Variants in PPP3CA observed in about 807,000 individuals in gnomAD.
The protein encoded by PPP3CA is protein phosphatase 3 catalytic subunit alpha.
Under a neutral mutation model 66.5 loss-of-function variants are expected in PPP3CA, and 14 were observed. The observed-to-expected ratio is 0.21, with a 90% confidence interval of 0.14 to 0.33. PPP3CA has a LOEUF of 0.33. PPP3CA is among the 10% of genes least tolerant of loss of function. The probability of loss-of-function intolerance (pLI) is 1.00; values close to 1 mark genes in which losing one functional copy is unlikely to be tolerated. For synonymous variants in PPP3CA, 232 were observed against 226.2 expected, an observed-to-expected ratio of 1.03 and a Z score of -0.23; for missense variants, 317 against 639.5, an observed-to-expected ratio of 0.50 and a Z score of 5.44.
intron 1 of PPP3CA, 56 bp downstream of exon 1, chr4:101,346,683 C>A: frequency 6.6e-7 from 1 of 1,504,758 alleles, no homozygotes; most frequent in Middle Eastern, 1.7e-4. Context: ...GCGAGGCAAG[C>A]TGCCCTGGCG....
chr4:101,319,147 A>G (rs1348609801), intron 1 of PPP3CA, among the ~76,000 whole-genome samples: 1 of 151,688 alleles, frequency 6.6e-6, no homozygotes, highest in Admixed American at 6.6e-5. Flanking sequence ...TTAAACGTGA[A>G]GAATTCTGAG....
At chr4:101,183,976 G>C (rs538653796) in intron 2 of PPP3CA, among the ~76,000 whole-genome samples, 54 of 152,218 alleles carry the variant, frequency 3.5e-4, no homozygotes, top group Middle Eastern at 3.4e-3. Context: ...GTAGCAAATA[G>C]TGCATACATT....
intron 1 of PPP3CA, among the ~76,000 whole-genome samples, chr4:101,297,935 AGT>A (rs1004106294): frequency 4.5e-4 from 68 of 152,204 alleles, no homozygotes; most frequent in African/African-American, 1.6e-3. Flanking sequence ...CTGTATCAGG[AGT>A]GAGGGCACAT....
chr4:101,134,522 C>T (rs866449906), intron 2 of PPP3CA, among the ~76,000 whole-genome samples: 10 of 152,086 alleles, frequency 6.6e-5, no homozygotes, highest in Non-Finnish European at 5.9e-5. Context: ...TAAATCAAAA[C>T]CACAATGTCA....
At chr4:101,151,551 T>G (rs1204842990) in intron 2 of PPP3CA, among the ~76,000 whole-genome samples, 1 of 138,422 alleles carries the variant, frequency 7.2e-6, no homozygotes, top group African/African-American at 2.7e-5. Context: ...AAAGCAAGAC[T>G]CTGTATCAAA....
chr4:101,283,098 T>C (rs1039364527), intron 1 of PPP3CA, among the ~76,000 whole-genome samples: 1 of 152,204 alleles, frequency 6.6e-6, no homozygotes, highest in Non-Finnish European at 1.5e-5. Context: ...AATCAAAACC[T>C]GCACTACTCA....
intron 1 of PPP3CA, among the ~76,000 whole-genome samples, chr4:101,269,214 C>G (rs544239599): frequency 1.7e-4 from 26 of 152,182 alleles, no homozygotes; most frequent in African/African-American, 5.8e-4. Flanking sequence ...ATTTACGATT[C>G]AGACTATAAT....
At chr4:101,238,853 C>G (rs2659530) in intron 1 of PPP3CA, among the ~76,000 whole-genome samples, 16,953 of 152,012 alleles carry the variant, frequency 0.11, 1,365 homozygotes, top group East Asian at 0.31. Context: ...TGACCTAAGA[C>G]GTTTTGAATG....
intron 1 of PPP3CA, among the ~76,000 whole-genome samples, chr4:101,254,708 G>C (rs1033431159): frequency 1.3e-5 from 2 of 151,694 alleles, no homozygotes; most frequent in African/African-American, 4.8e-5. Flanking sequence ...AATACCATAA[G>C]GCAGTATTAA....
intron 2 of PPP3CA, among the ~76,000 whole-genome samples, chr4:101,141,192 AAAC>A (rs1348767012): frequency 2.0e-5 from 3 of 152,218 alleles, no homozygotes; most frequent in African/African-American, 7.2e-5. Flanking sequence ...CAAAATGGTG[AAAC>A]CCCGCCTCTA....
chr4:101,295,743 T>C (rs1165521740), intron 1 of PPP3CA, among the ~76,000 whole-genome samples: 3 of 152,260 alleles, frequency 2.0e-5, no homozygotes, highest in Non-Finnish European at 2.9e-5. Context: ...TTTTGCCATA[T>C]AGGCATTACC....
intron 2 of PPP3CA, among the ~76,000 whole-genome samples, chr4:101,118,200 A>G (rs1721907114): frequency 6.6e-6 from 1 of 151,884 alleles, no homozygotes; most frequent in Non-Finnish European, 1.5e-5. Context: ...TTTCCTGGAT[A>G]TGTTCTTTCA....
At position 101,094,469 on chromosome 4, in the gene PPP3CA, A is replaced by C. The variant is rs1028084332; in HGVS notation, c.643-554T>G. On this transcript the variant is annotated intron_variant, in intron 5 of 13. Transcript: ENST00000394854. The stretch of plus-strand genomic sequence containing the variant: ...AAAAGATGGCTTTTACTTTAAAAGT[A>C]GCCACTTGCTATATGATATTTTGGA... Among the ~76,000 whole-genome samples the C allele has an allele frequency of 3.3e-5, 5 of 152,206 alleles. No individual in the cohort carries two copies. In the East Asian group the frequency reaches 9.6e-4, roughly 29 times the overall value.
At chr4:101,080,415 GA>G in intron 8 of PPP3CA, 116 bp downstream of exon 8, 1 of 463,112 alleles carries the variant, frequency 2.2e-6, no homozygotes, top group Non-Finnish European at 3.5e-6. Context: ...AACAATAACT[GA>G]AAAAATTTTA....
At chr4:101,323,160 A>G (rs1195984145) in intron 1 of PPP3CA, among the ~76,000 whole-genome samples, 2 of 152,038 alleles carry the variant, frequency 1.3e-5, no homozygotes, top group Non-Finnish European at 2.9e-5. Context: ...TAGTATTCCT[A>G]TTGCTCCATT....
chr4:101,145,050 A>G (rs557769270), intron 2 of PPP3CA, among the ~76,000 whole-genome samples: 6 of 152,330 alleles, frequency 3.9e-5, no homozygotes, highest in African/African-American at 1.4e-4. Context: ...TTGGCATTAA[A>G]TAAAAAAATA....
chr4:101,091,783 A>C (rs938902360), intron 6 of PPP3CA, among the ~76,000 whole-genome samples: 2 of 150,404 alleles, frequency 1.3e-5, no homozygotes, highest in African/African-American at 4.9e-5. Flanking sequence ...GGAATTGAGC[A>C]TTAACTTCAG....
At chr4:101,190,959 A>C (rs1378262688) in intron 2 of PPP3CA, among the ~76,000 whole-genome samples, 1 of 152,246 alleles carries the variant, frequency 6.6e-6, no homozygotes, top group Admixed American at 6.5e-5. Flanking sequence ...CAAAAGCCCA[A>C]GACTTTAACC....
intron 1 of PPP3CA, among the ~76,000 whole-genome samples, chr4:101,309,160 C>T (rs1014101096): frequency 2.6e-5 from 4 of 152,016 alleles, no homozygotes; most frequent in African/African-American, 7.2e-5. Context: ...AATAATAAAC[C>T]TTCCCAACCC....
Sources: allele counts gnomAD v4.1 joint callset (sites outside exome capture counted in the v4.1 genomes callset), GRCh38; gene constraint gnomAD v4.1.1; transcripts MANE v1.5; gene names NCBI Gene and HGNC (gene_info 2026-07-23, HGNC 2026-07-21).